Variants in AGO2 observed in about 807,000 individuals in gnomAD.
AGO2 encodes the protein argonaute RISC catalytic component 2, also known as protein argonaute-2.
A neutral mutation model predicts 102.3 loss-of-function variants in AGO2; 5 were observed. The observed-to-expected ratio is 0.05, with a 90% CI of 0.03 to 0.10. The LOEUF is 0.10. Among genes scored for constraint, AGO2 ranks in the 10% least tolerant of loss-of-function variants. AGO2 has a pLI of 1.00. For missense variants in AGO2, 541 were observed against 1,183.7 expected, an observed-to-expected ratio of 0.46 and a Z score of 7.97; for synonymous variants, 449 against 473.1, an observed-to-expected ratio of 0.95 and a Z score of 0.66.
rs770356858 is a variant in AGO2, at chr8:140,559,489, C to T, written c.696G>A (p.Glu232=). The part of the protein sequence containing the change: ...TAFYKAQPVI[E]FVCEVLDFKS... ...TAAAATCCAAAACTTCACAAACAAA[C>T]TCGATTACTGGCTGTGCCTTGTAAA... is the stretch of plus-strand genomic sequence containing the variant. Residue 232 remains glutamate (E), a synonymous_variant, in exon 6 of 19, where the codon GAG becomes GAA. Transcript: ENST00000220592. The T allele has an allele frequency of 6.2e-7, 1 of 1,614,248 alleles. No homozygotes were observed. The highest frequency in any genetic ancestry group is 2.2e-5 in the East Asian group (1 of 44,890).
At chr8:140,586,691 C>T (rs1422558913) in intron 1 of AGO2, among the ~76,000 whole-genome samples, 1 of 152,168 alleles carries the variant, frequency 6.6e-6, no homozygotes, top group Non-Finnish European at 1.5e-5. Flanking sequence ...TCAGTGGAGA[C>T]AGCCACTCCC....
intron 1 of AGO2, among the ~76,000 whole-genome samples, chr8:140,600,359 G>A (rs1028509130): frequency 2.0e-5 from 3 of 152,186 alleles, no homozygotes; most frequent in African/African-American, 4.8e-5. Context: ...TGCAGCACAC[G>A]GAGGAGTCAG....
At chr8:140,555,637 T>C (rs1192174529) in intron 10 of AGO2, 1 of 455,656 alleles carries the variant, frequency 2.2e-6, no homozygotes, top group Non-Finnish European at 3.8e-6. Context: ...ACACACAGAA[T>C]GGTGCTCTCT....
rs1272046238 is a variant in AGO2, at chr8:140,562,540, T to A, written c.431A>T (p.His144Leu). 6.2e-7 allele frequency: 1 copy of A among 1,614,146 alleles called. No individual in the cohort carries two copies. The highest frequency in any genetic ancestry group is 8.5e-7 in the Non-Finnish European group (1 of 1,180,020). The stretch of plus-strand genomic sequence containing the variant: ...GGGCAGCCGCCCTGAAAGTGCATCG[T>A]GTAACGCCTGCAAGCTCACGCAGGA... ...WVSCVSLQALHDALSGRLPSV... is the reference protein window; with the variant it reads ...WVSCVSLQALLDALSGRLPSV... The change falls in exon 4 of 19, where the codon CAC becomes CTC. Residue 144 changes from histidine (H) to leucine (L), a missense_variant. Physicochemically the swap from His to Leu is moderately conservative, Grantham distance 99. Coordinates refer to ENST00000220592, the MANE Select transcript of AGO2 (RefSeq NM_012154.5).
chr8:140,546,631 C>T (rs1210867620), intron 13 of AGO2, among the ~76,000 whole-genome samples: 1 of 152,254 alleles, frequency 6.6e-6, no homozygotes, highest in African/African-American at 2.4e-5. Context: ...ATCAGCTGAG[C>T]CCCACTGTGA....
chr8:140,552,278 A>G (rs937287598), intron 10 of AGO2, among the ~76,000 whole-genome samples: 1 of 152,188 alleles, frequency 6.6e-6, no homozygotes, highest in Admixed American at 6.5e-5. Context: ...ACTTGAGAAG[A>G]GAAAGGCGGG....
At chr8:140,625,060 C>T (rs2074259147) in intron 1 of AGO2, among the ~76,000 whole-genome samples, 1 of 152,180 alleles carries the variant, frequency 6.6e-6, no homozygotes, top group Non-Finnish European at 1.5e-5. Context: ...ACAGTGGCCA[C>T]AGGGATCCTT....
At chr8:140,608,466 G>A (rs773293723) in intron 1 of AGO2, among the ~76,000 whole-genome samples, 2 of 152,192 alleles carry the variant, frequency 1.3e-5, no homozygotes, top group Admixed American at 6.5e-5. Flanking sequence ...CCTCTGCTTC[G>A]CCGGCCCCAT....
At chr8:140,609,547 A>C (rs2074048872) in intron 1 of AGO2, among the ~76,000 whole-genome samples, 2 of 151,862 alleles carry the variant, frequency 1.3e-5, no homozygotes, top group Admixed American at 6.6e-5. Flanking sequence ...CTGCGGCCTC[A>C]CTCCCTCAGG....
At position 140,572,925 on chromosome 8, in the gene AGO2, C is replaced by T. The variant is rs200483361; in HGVS notation, c.223G>A (p.Val75Met). The stretch of plus-strand genomic sequence containing the variant: ...TTAAAGTGCTGGACCATGTGTTCCA[C>T]GATTTCCCTGAAACAAAGACAAAAG... ...KCPRRVNREI[V>M]EHMVQHFKTQ... The change falls in exon 3 of 19, where the codon GTG (valine) becomes ATG (methionine). Residue 75 changes from valine to methionine, a missense_variant. Val to Met is a conservative substitution (Grantham distance 21, BLOSUM62 1). Coordinates refer to ENST00000220592, the MANE Select transcript of AGO2 (RefSeq NM_012154.5). 1.9e-6 allele frequency: 3 copies of T among 1,606,416 alleles called. No homozygotes were observed. Among genetic ancestry groups the T allele is most frequent in the Non-Finnish European group, 2.5e-6 (3 of 1,177,206 alleles).
chr8:140,614,036 A>G (rs2074111855), intron 1 of AGO2, among the ~76,000 whole-genome samples: 1 of 150,696 alleles, frequency 6.6e-6, no homozygotes, highest in East Asian at 1.9e-4. Flanking sequence ...AAAAAAAAAA[A>G]AAAAGGCCAG....
upstream of AGO2, among the ~76,000 whole-genome samples, chr8:140,640,535 T>C (rs1473077001): frequency 6.6e-6 from 1 of 152,062 alleles, no homozygotes; most frequent in African/African-American, 2.4e-5. Flanking sequence ...TCTTTTTTTT[T>C]TGAGATGGAG....
Position 140,520,584 on chromosome 8 carries a change from G to A in AGO2, c.*11460C>T, listed in dbSNP as rs2072400129. The A allele has an allele frequency of 6.6e-6, 1 of 152,104 alleles. No homozygotes were observed. The highest frequency in any genetic ancestry group is 1.5e-5 in the Non-Finnish European group (1 of 68,030). The allele number at this position is 152,104 out of a possible 1,614,324, so 9.4% of individuals were successfully genotyped here. ...TTTCGGGTGAGTGCTGAGGAATAGA[G>A]AAATGTGAAGACGGGCTCTCTGGAG... is the stretch of plus-strand genomic sequence containing the variant. On this transcript the variant is annotated 3_prime_UTR_variant, in exon 19 of 19. Transcript: ENST00000220592.
In AGO2 at chr8:140,551,337, C is replaced by A; in HGVS notation, c.1369G>T (p.Ala457Ser). The A allele has an allele frequency of 6.3e-7, 1 of 1,580,126 alleles. No homozygotes were observed. The highest frequency in any genetic ancestry group is 8.6e-7 in the Non-Finnish European group (1 of 1,158,806). The change falls in exon 11 of 19, where the codon GCC becomes TCC. Residue 457 changes from alanine to serine, a missense_variant. Ala to Ser is a moderately conservative substitution (Grantham distance 99). Coordinates refer to ENST00000220592, the MANE Select transcript of AGO2 (RefSeq NM_012154.5). ...ACTTCCGTGCACTGGCGCTGGGGGG[C>A]GAAGCACGCAATGGCCCACACCTTG... The part of the protein sequence containing the change: ...EIKVWAIACF[A>S]PQRQCTEVHL...
intron 2 of AGO2, among the ~76,000 whole-genome samples, chr8:140,578,626 C>T (rs933531548): frequency 5.3e-5 from 8 of 152,244 alleles, no homozygotes; most frequent in Admixed American, 4.6e-4. Flanking sequence ...AAGATGACAG[C>T]CCAGGAGTTC....
Position 140,551,359 on chromosome 8 carries a change from C to T in AGO2, c.1347G>A (p.Lys449=), listed in dbSNP as rs138849547. 6.3e-7 allele frequency: 1 copy of T among 1,599,490 alleles called. No homozygotes were observed. The highest frequency in any genetic ancestry group is 8.5e-7 in the Non-Finnish European group (1 of 1,170,942). ...GGGCGAAGCACGCAATGGCCCACAC[C>T]TTGATCTCGATGCCCGTGTGGAACT... ...NKQFHTGIEI[K]VWAIACFAPQ... is the part of the protein sequence containing the mutation. The change falls in exon 11 of 19, where the codon AAG becomes AAA. Residue 449 remains lysine, a synonymous_variant. Transcript: ENST00000220592.
At position 140,585,631 on chromosome 8, in the gene AGO2, C is replaced by T. The variant is rs536508942; in HGVS notation, c.23-320G>A. Among the ~76,000 whole-genome samples, 512 of 152,268 alleles carry T rather than the reference C, an allele frequency of 3.4e-3. 1 individual carries two copies. The highest frequency in any genetic ancestry group is 5.5e-3 in the Non-Finnish European group (377 of 68,008). On this transcript the variant is annotated intron_variant, in intron 1 of 18. Transcript: ENST00000220592. ...AGCCCAAAAGTGTCAAGGCGGTGCC[C>T]CTCCCTTGCTGCTGCTTAAACCGCT...
At chr8:140,569,326 C>T (rs2073341966) in intron 3 of AGO2, among the ~76,000 whole-genome samples, 4 of 152,326 alleles carry the variant, frequency 2.6e-5, no homozygotes, top group Non-Finnish European at 5.9e-5. Flanking sequence ...AAGGAGACAC[C>T]GGTGCTGTCC....
In AGO2 at chr8:140,525,335, C is replaced by G. The variant is rs1385069955; in HGVS notation, c.*6709G>C. On this transcript the variant is annotated 3_prime_UTR_variant, in exon 19 of 19. Transcript: ENST00000220592. Reference sequence around the variant, plus strand: ...CGAGGGGCGAGCGGCTGTGCAGTGTCCCCTCGAAACACCCTGGACCAGATT... The same window carrying G: ...CGAGGGGCGAGCGGCTGTGCAGTGTGCCCTCGAAACACCCTGGACCAGATT... The G allele has an allele frequency of 6.6e-6, 1 of 151,924 alleles. No homozygotes were observed. The highest frequency in any genetic ancestry group is 1.5e-5 in the Non-Finnish European group (1 of 68,008). The allele number at this position is 151,924 out of a possible 1,614,324, so 9.4% of individuals were successfully genotyped here.
Sources: allele counts gnomAD v4.1 joint callset (sites outside exome capture counted in the v4.1 genomes callset), GRCh38; gene constraint gnomAD v4.1.1; transcripts MANE v1.5; gene names NCBI Gene and HGNC (gene_info 2026-07-23, HGNC 2026-07-21).